The following NBEA variants were observed in gnomAD, a reference collection of about 807,000 sequenced individuals.
NBEA encodes lysosomal-trafficking regulator 2.
In NBEA, 44 loss-of-function variants were observed where a neutral mutation model predicts 343.4. That is an observed-to-expected ratio of 0.13 (90% CI 0.10 to 0.16). The LOEUF (loss-of-function observed/expected upper bound fraction) is 0.16, where lower values mean the gene tolerates loss of function less well. NBEA is among the 10% of genes least tolerant of loss of function. NBEA has a pLI of 1.00. For synonymous variants in NBEA, 1,175 were observed against 1,238.7 expected, an observed-to-expected ratio of 0.95 and a Z score of 1.08; for missense variants, 2,555 against 3,631.3, an observed-to-expected ratio of 0.70 and a Z score of 7.62.
intron 38 of NBEA, among the ~76,000 whole-genome samples, chr13:35,358,429 G>C (rs1482263365): frequency 6.6e-6 from 1 of 151,838 alleles, no homozygotes; most frequent in Non-Finnish European, 1.5e-5. Context: ...AATAATTATA[G>C]AAACAGGCCA....
chr13:35,602,250 A>G (rs1013635752), intron 47 of NBEA, among the ~76,000 whole-genome samples: 1 of 152,228 alleles, frequency 6.6e-6, no homozygotes, highest in African/African-American at 2.4e-5. Context: ...GGAATTGTGA[A>G]TATAAATTAT....
chr13:35,215,365 T>G (rs2074008859), intron 33 of NBEA, among the ~76,000 whole-genome samples: 1 of 151,688 alleles, frequency 6.6e-6, no homozygotes, highest in African/African-American at 2.4e-5. Context: ...CTTTTTAAAT[T>G]TTTATGTTTT....
intron 35 of NBEA, among the ~76,000 whole-genome samples, chr13:35,298,209 G>GTATATATATA (rs1462332460): frequency 8.2e-5 from 5 of 60,832 alleles, no homozygotes; most frequent in Admixed American, 1.9e-4. Context: ...GTGTGTGTGT[G>GTATATATATA]TGTATATATA....
chr13:35,422,665 G>C (rs1390612720), intron 38 of NBEA, among the ~76,000 whole-genome samples: 1 of 152,188 alleles, frequency 6.6e-6, no homozygotes, highest in Non-Finnish European at 1.5e-5. Context: ...TATATACCCA[G>C]TAATGGGGTG....
At chr13:35,130,483 A>T (rs1010290782) in intron 17 of NBEA, among the ~76,000 whole-genome samples, 1 of 152,082 alleles carries the variant, frequency 6.6e-6, no homozygotes, top group African/African-American at 2.4e-5. Context: ...TTTAATGAGG[A>T]TGAAGGGGGC....
chr13:35,174,318 G>GT (rs2070705008), intron 27 of NBEA, among the ~76,000 whole-genome samples: 1 of 152,052 alleles, frequency 6.6e-6, no homozygotes, highest in Non-Finnish European at 1.5e-5. Context: ...TCAGGAAAAT[G>GT]TTTTTTGACA....
At chr13:35,524,557 T>C (rs1023850076) in intron 41 of NBEA, among the ~76,000 whole-genome samples, 2 of 152,226 alleles carry the variant, frequency 1.3e-5, no homozygotes, top group Non-Finnish European at 2.9e-5. Flanking sequence ...ATATCATTTT[T>C]AAATTCCTTC....
chr13:35,088,021 G>A (rs185841491), intron 10 of NBEA, among the ~76,000 whole-genome samples: 1 of 151,964 alleles, frequency 6.6e-6, no homozygotes, highest in East Asian at 1.9e-4. Context: ...TATTTTCCAG[G>A]CATTAGAAAG....
At chr13:35,107,849 T>C (rs2065992939) in intron 11 of NBEA, among the ~76,000 whole-genome samples, 1 of 152,076 alleles carries the variant, frequency 6.6e-6, no homozygotes, top group South Asian at 2.1e-4. Context: ...AGCAAACGTG[T>C]CCTGTGGGTG....
chr13:35,263,986 G>C (rs941693629), intron 34 of NBEA, among the ~76,000 whole-genome samples: 2 of 146,786 alleles, frequency 1.4e-5, no homozygotes, highest in South Asian at 4.4e-4. Flanking sequence ...ACAAAGAGTT[G>C]TTTTTTTTTT....
intron 36 of NBEA, among the ~76,000 whole-genome samples, chr13:35,331,163 A>G (rs1400400593): frequency 2.6e-5 from 4 of 152,018 alleles, no homozygotes; most frequent in Non-Finnish European, 5.9e-5. Context: ...TTTCAGAAAA[A>G]GGAACTACCA....
chr13:35,021,279 G>C (rs1017615274), intron 1 of NBEA, among the ~76,000 whole-genome samples: 1 of 152,164 alleles, frequency 6.6e-6, no homozygotes, highest in African/African-American at 2.4e-5. Context: ...GAATTGAGTA[G>C]TTATCATGGA....
intron 18 of NBEA, among the ~76,000 whole-genome samples, chr13:35,146,434 T>C (rs954540491): frequency 2.6e-5 from 4 of 152,176 alleles, no homozygotes; most frequent in African/African-American, 9.7e-5. Flanking sequence ...AGCTCCTTAG[T>C]TGTGAGGACC....
intron 41 of NBEA, among the ~76,000 whole-genome samples, chr13:35,517,667 G>A (rs547831415): frequency 7.2e-5 from 11 of 152,208 alleles, no homozygotes; most frequent in African/African-American, 2.4e-4. Context: ...TCTTTAGTAA[G>A]AGGCTCGCCC....
chr13:35,491,222 G>T (rs1409337846), intron 41 of NBEA, among the ~76,000 whole-genome samples: 1 of 151,812 alleles, frequency 6.6e-6, no homozygotes, highest in African/African-American at 2.4e-5. Context: ...GGAAGATTTT[G>T]TTAATTTTGC....
chr13:34,942,689 G>A lies in NBEA; in HGVS notation c.-132G>A. 2 of 602,350 alleles carry A rather than the reference G, an allele frequency of 3.3e-6. No individual in the cohort carries two copies. Among genetic ancestry groups the A allele is most frequent in the Non-Finnish European group, 4.8e-6 (2 of 419,198 alleles). The allele number at this position is 602,350 out of a possible 1,614,324, so 37.3% of individuals were successfully genotyped here. A position where few individuals can be genotyped will look rare whatever the true frequency, so the allele number is the denominator to read the frequency against. On this transcript the variant is annotated 5_prime_UTR_variant, in exon 1 of 59. Coordinates refer to ENST00000379939, the MANE Select transcript of NBEA (RefSeq NM_001385012.1). The stretch of plus-strand genomic sequence containing the variant: ...CCGGGCTGAGGCGCAGGCGGGGAGC[G>A]GGCCCGGCGCCGCGGCGCTGGTGGA...
intron 34 of NBEA, among the ~76,000 whole-genome samples, chr13:35,281,263 A>G (rs1423836556): frequency 6.6e-6 from 1 of 152,164 alleles, no homozygotes; most frequent in African/African-American, 2.4e-5. Context: ...CTAAGAACCT[A>G]TTTCATTCCT....
chr13:35,326,561 T>C (rs1003897023), intron 36 of NBEA, among the ~76,000 whole-genome samples: 3 of 152,002 alleles, frequency 2.0e-5, no homozygotes, highest in African/African-American at 7.2e-5. Context: ...TTTTCTAGTA[T>C]AGATTCATAT....
intron 10 of NBEA, among the ~76,000 whole-genome samples, chr13:35,089,891 C>T (rs1221716443): frequency 2.4e-5 from 3 of 125,422 alleles, no homozygotes; most frequent in Admixed American, 9.8e-5. Flanking sequence ...AGGGGAATAT[C>T]ACACTCTGGG....
Sources: gnomAD v4.1 joint callset for allele counts (sites outside exome capture counted in the v4.1 genomes callset) on GRCh38, gnomAD v4.1.1 for gene constraint, MANE v1.5 for transcripts, NCBI Gene and HGNC (gene_info 2026-07-23, HGNC 2026-07-21) for gene names.